ATXN2: variants seen among roughly 807,000 people sequenced by gnomAD.
ATXN2 encodes ataxin-2.
A neutral mutation model predicts 138.6 loss-of-function variants in ATXN2; 37 were observed. The observed-to-expected ratio is 0.27, with a 90% CI of 0.21 to 0.35. The LOEUF (loss-of-function observed/expected upper bound fraction) is 0.35, where lower values mean the gene tolerates loss of function less well. Among genes scored for constraint, ATXN2 ranks in the 10% least tolerant of loss-of-function variants. The pLI is 1.00. For missense variants in ATXN2, 1,216 were observed against 1,480.3 expected, an observed-to-expected ratio of 0.82 and a Z score of 2.93; for synonymous variants, 549 against 543.7, an observed-to-expected ratio of 1.01 and a Z score of -0.13.
At chr12:111,573,922 A>C (rs1323109658) in intron 1 of ATXN2, among the ~76,000 whole-genome samples, 6 of 151,116 alleles carry the variant, frequency 4.0e-5, no homozygotes, top group Non-Finnish European at 8.8e-5. Flanking sequence ...TTGGCTCAGA[A>C]ATGCTAGTCT....
intron 20 of ATXN2, among the ~76,000 whole-genome samples, chr12:111,467,525 T>C (rs1195693790): frequency 6.6e-6 from 1 of 151,864 alleles, no homozygotes; most frequent in Non-Finnish European, 1.5e-5. Flanking sequence ...TCACAACAAG[T>C]CCACAGCCTT....
At chr12:111,533,247 C>T (rs1880946275) in intron 5 of ATXN2, among the ~76,000 whole-genome samples, 2 of 152,226 alleles carry the variant, frequency 1.3e-5, no homozygotes, top group Admixed American at 1.3e-4. Context: ...ATAAATTATT[C>T]CAACACACAC....
At chr12:111,529,199 A>C (rs1880670886) in intron 5 of ATXN2, among the ~76,000 whole-genome samples, 1 of 152,214 alleles carries the variant, frequency 6.6e-6, no homozygotes. Context: ...AAAGTTGAGA[A>C]AAAAACAACT....
At chr12:111,560,718 G>C (rs969696956) in intron 1 of ATXN2, among the ~76,000 whole-genome samples, 2 of 148,738 alleles carry the variant, frequency 1.3e-5, no homozygotes, top group Non-Finnish European at 3.0e-5. Flanking sequence ...GAGGTATCCA[G>C]AGTTACTACA....
At chr12:111,505,040 A>G (rs531123090) in intron 14 of ATXN2, among the ~76,000 whole-genome samples, 36 of 152,260 alleles carry the variant, frequency 2.4e-4, no homozygotes, top group Middle Eastern at 3.4e-3. Context: ...CCTGGGCAAC[A>G]TGGCGAAATT....
chr12:111,580,203 G>A (rs1186249984), intron 1 of ATXN2, among the ~76,000 whole-genome samples: 1 of 152,088 alleles, frequency 6.6e-6, no homozygotes, highest in Admixed American at 6.6e-5. Context: ...GAGGCTGGGT[G>A]CAGTGGCTCA....
At chr12:111,570,293 T>C (rs944655841) in intron 1 of ATXN2, among the ~76,000 whole-genome samples, 5 of 152,184 alleles carry the variant, frequency 3.3e-5, no homozygotes, top group Admixed American at 3.3e-4. Flanking sequence ...TTCAAAAGAC[T>C]ATCAGTGGAG....
intron 23 of ATXN2, chr12:111,454,736 C>A (rs375996926): frequency 5.7e-6 from 2 of 352,534 alleles, no homozygotes; most frequent in East Asian, 5.9e-5. Flanking sequence ...CAAACGGGCA[C>A]ATGGCAAATT....
chr12:111,475,286 G>A (rs1371142775), intron 18 of ATXN2, among the ~76,000 whole-genome samples: 1 of 143,638 alleles, frequency 7.0e-6, no homozygotes, highest in Admixed American at 7.0e-5. Context: ...GGAGGTTGCA[G>A]TGAGTTGAGA....
At position 111,598,993 on chromosome 12, in the gene ATXN2, C is replaced by CTGCTGCTGT. The variant is rs1566091182; in HGVS notation, c.41_42insACAGCAGCA (p.Gln26_Gln28dup). The CTGCTGCTGT allele has an allele frequency of 4.9e-5, 73 of 1,479,996 alleles. No homozygotes were observed. Among genetic ancestry groups the CTGCTGCTGT allele is most frequent in the African/African-American group, 3.7e-4 (25 of 67,456 alleles). The allele number at this position is 1,479,996 out of a possible 1,614,324, so 91.7% of individuals were successfully genotyped here. A position where few individuals can be genotyped will look rare whatever the true frequency, so the allele number is the denominator to read the frequency against. On this transcript the variant is annotated inframe_insertion, in exon 1 of 25. Coordinates refer to ENST00000673436, the MANE Select transcript of ATXN2 (RefSeq NM_001372574.1). This position sits in a 1 kb window ranked among gnomAD's most constrained non-coding sequence, Gnocchi z 4.5. ...GCTGCTGCTGTTGCTGCTGCTGCTG[C>CTGCTGCTGT]TGCTGCTGCTGCTGCTGCTGCTGCT... is the stretch of plus-strand genomic sequence containing the variant.
intron 20 of ATXN2, chr12:111,469,593 CT>C (rs1202355620): frequency 6.7e-6 from 1 of 149,578 alleles, no homozygotes; most frequent in East Asian, 2.0e-4. Context: ...TGACTCATGT[CT>C]AAAATATATC....
chr12:111,555,075 C>T (rs1018730611), intron 2 of ATXN2, among the ~76,000 whole-genome samples: 1 of 152,106 alleles, frequency 6.6e-6, no homozygotes, highest in African/African-American at 2.4e-5. Flanking sequence ...AGTTTCTGCC[C>T]TTCATGTCCG....
chr12:111,552,915 GT>G lies in ATXN2; in HGVS notation c.410del (p.Tyr137SerfsTer28). The G allele has an allele frequency of 6.4e-7, 1 of 1,553,278 alleles. No individual in the cohort carries two copies. Among genetic ancestry groups the G allele is most frequent in the East Asian group, 2.4e-5 (1 of 41,980 alleles). ...GGIYEGVFKT[Y>X]SPKCDLVLDA... The stretch of plus-strand genomic sequence containing the variant: ...AAAAAGTAAAAATTACCTTCGGACT[GT>G]AAGTTTTAAAAACTCCTTCATATAT... On this transcript the variant is annotated frameshift_variant, in exon 4 of 25. Transcript: ENST00000673436. LOFTEE classifies it high-confidence loss of function. The surrounding 1 kb of genome is among the most constrained non-coding windows in gnomAD (Gnocchi z 4.1).
At chr12:111,479,069 C>T in intron 18 of ATXN2, 1 of 390,024 alleles carries the variant, frequency 2.6e-6, no homozygotes, top group Non-Finnish European at 4.5e-6. Flanking sequence ...TATGCACTTA[C>T]CATACCTCAG....
chr12:111,455,706 T>C (rs916764799), intron 23 of ATXN2: 18 of 423,450 alleles, frequency 4.3e-5, no homozygotes, highest in African/African-American at 1.0e-4. Context: ...TATGTACACA[T>C]ATATATAGTA....
intron 22 of ATXN2, 37 bp downstream of exon 22, chr12:111,457,177 A>G: frequency 6.3e-7 from 1 of 1,584,964 alleles, no homozygotes; most frequent in Non-Finnish European, 8.6e-7. Flanking sequence ...ACTAGGATAA[A>G]GAAGCCACTC....
chr12:111,539,895 T>C (rs1881405815), intron 5 of ATXN2, among the ~76,000 whole-genome samples: 1 of 150,462 alleles, frequency 6.6e-6, no homozygotes, highest in Admixed American at 6.7e-5. Flanking sequence ...TGAAGAATAG[T>C]AGTCATTTTA....
chr12:111,514,047 A>G (rs1437814205), intron 10 of ATXN2, among the ~76,000 whole-genome samples: 3 of 152,168 alleles, frequency 2.0e-5, no homozygotes, highest in African/African-American at 2.4e-5. Context: ...CCACTAAAAC[A>G]TATGTACATA....
chr12:111,478,061 G>T (rs1169461959), intron 18 of ATXN2, among the ~76,000 whole-genome samples: 1 of 151,726 alleles, frequency 6.6e-6, no homozygotes, highest in Non-Finnish European at 1.5e-5. Flanking sequence ...CTCCCAAAGT[G>T]CTGGAATTAC....
Sources: gnomAD v4.1 joint callset for allele counts (sites outside exome capture counted in the v4.1 genomes callset) on GRCh38, gnomAD v4.1.1 for gene constraint, Gnocchi (gnomAD v3.1) non-coding constraint, MANE v1.5 for transcripts, NCBI Gene and HGNC (gene_info 2026-07-23, HGNC 2026-07-21) for gene names.